The following ARHGAP32 variants were observed in gnomAD, a reference collection of about 807,000 sequenced individuals.
ARHGAP32 encodes rho GTPase-activating protein 32.
In ARHGAP32, 51 loss-of-function variants were observed where a neutral mutation model predicts 186.5. The observed-to-expected ratio is 0.27, with a 90% confidence interval of 0.22 to 0.35. The LOEUF (loss-of-function observed/expected upper bound fraction) is 0.35, where lower values mean the gene tolerates loss of function less well. Among genes scored for constraint, ARHGAP32 ranks in the 10% least tolerant of loss-of-function variants. The probability of loss-of-function intolerance (pLI) is 1.00; values close to 1 mark genes in which losing one functional copy is unlikely to be tolerated. For missense variants in ARHGAP32, 2,186 were observed against 2,623.5 expected (o/e 0.83, Z 3.64); for synonymous variants, 950 against 964.3 (o/e 0.99, Z 0.27).
chr11:129,228,725 G>C (rs2135630699), intron 1 of ARHGAP32, among the ~76,000 whole-genome samples: 1 of 152,252 alleles, frequency 6.6e-6, no homozygotes, highest in Admixed American at 6.5e-5. Context: ...GGGGAAGGGA[G>C]AGCATCAAGA....
upstream of ARHGAP32, among the ~76,000 whole-genome samples, chr11:129,193,913 A>T (rs776307758): frequency 1.1e-4 from 16 of 150,424 alleles, no homozygotes; most frequent in Middle Eastern, 6.8e-3. Context: ...AAAAGTTCTT[A>T]AAAACTTCTA....
At chr11:129,202,782 C>T (rs535887989) in intron 1 of ARHGAP32, among the ~76,000 whole-genome samples, 65 of 152,254 alleles carry the variant, frequency 4.3e-4, no homozygotes, top group Non-Finnish European at 6.6e-4. Context: ...TGAATTCACA[C>T]GCCACATCAC....
At chr11:129,238,884 G>A (rs1024233433) in intron 1 of ARHGAP32, among the ~76,000 whole-genome samples, 1 of 151,842 alleles carries the variant, frequency 6.6e-6, no homozygotes, top group Non-Finnish European at 1.5e-5. Flanking sequence ...GCCCAGGCTG[G>A]GGTGCAGTGG....
At chr11:129,040,675 A>T (rs1171390095) in intron 11 of ARHGAP32, among the ~76,000 whole-genome samples, 2 of 152,222 alleles carry the variant, frequency 1.3e-5, no homozygotes, top group Admixed American at 1.3e-4. Flanking sequence ...CTATTATGCA[A>T]CTATAAAAGT....
intron 1 of ARHGAP32, among the ~76,000 whole-genome samples, chr11:129,216,794 G>A (rs1428409320): frequency 1.3e-5 from 2 of 150,546 alleles, no homozygotes; most frequent in African/African-American, 4.9e-5. Context: ...TTTATTTAAA[G>A]ATTCTTAATT....
chr11:129,007,670 T>G (rs2134799533), intron 11 of ARHGAP32, among the ~76,000 whole-genome samples: 1 of 152,252 alleles, frequency 6.6e-6, no homozygotes, highest in South Asian at 2.1e-4. Context: ...TCACAAACCG[T>G]CCTGCCTAGG....
chr11:128,999,803 T>C (rs1448296681), intron 11 of ARHGAP32, among the ~76,000 whole-genome samples: 1 of 152,212 alleles, frequency 6.6e-6, no homozygotes. Context: ...TTGTAACCCA[T>C]GACGTTTGAA....
chr11:129,163,157 T>C (rs1943564491), intron 2 of ARHGAP32, among the ~76,000 whole-genome samples: 1 of 152,216 alleles, frequency 6.6e-6, no homozygotes, highest in African/African-American at 2.4e-5. Context: ...ATTAAAATGT[T>C]TGTGAATTTA....
In ARHGAP32 at chr11:129,171,679, T is replaced by C. The variant is rs145178758; in HGVS notation, c.117-7252A>G. The stretch of plus-strand genomic sequence containing the variant: ...GGTCTTCTTTGATTTCATATGAAAT[T>C]CAAAATAGTTTTTTCTAATTCTGTA... On this transcript the variant is annotated intron_variant, in intron 1 of 22. Transcript: ENST00000682385. 1.9e-3 allele frequency among the ~76,000 whole-genome samples: 285 copies of C among 152,342 alleles called. 2 individuals are homozygous for C. Among genetic ancestry groups the C allele is most frequent in the African/African-American group, 6.2e-3 (258 of 41,568 alleles).
intron 5 of ARHGAP32, among the ~76,000 whole-genome samples, chr11:129,115,187 C>T (rs554174524): frequency 2.6e-5 from 4 of 152,202 alleles, no homozygotes; most frequent in East Asian, 1.9e-4. Context: ...ATGTGGTCCA[C>T]CCACCCTACC....
chr11:129,012,250 G>A (rs1426931788), intron 11 of ARHGAP32, among the ~76,000 whole-genome samples: 1 of 151,984 alleles, frequency 6.6e-6, no homozygotes, highest in Non-Finnish European at 1.5e-5. Flanking sequence ...ACATATTGTG[G>A]GACAAAACAA....
chr11:128,965,750 G>A lies in ARHGAP32; in HGVS notation c.*3157C>T, dbSNP rs1019838765. 6.6e-6 allele frequency: 1 copy of A among 152,184 alleles called. No individual in the cohort carries two copies. Among genetic ancestry groups the A allele is most frequent in the East Asian group, 1.9e-4 (1 of 5,204 alleles). 9.4% of individuals were successfully genotyped at this position (152,184 alleles called of 1,614,324 possible). ...CAACATCCTAAATGGGTGACTGACA[G>A]GGCTGAAAACAGAGAAATGGACTTT... On this transcript the variant is annotated 3_prime_UTR_variant, in exon 23 of 23. Transcript: ENST00000682385.
At chr11:129,069,329 A>G (rs1226255366) in intron 6 of ARHGAP32, among the ~76,000 whole-genome samples, 1 of 152,090 alleles carries the variant, frequency 6.6e-6, no homozygotes, top group African/African-American at 2.4e-5. Flanking sequence ...ATCAATGTAA[A>G]GTGCTTAGTA....
At chr11:129,176,548 T>C (rs1343029131) in intron 1 of ARHGAP32, among the ~76,000 whole-genome samples, 1 of 147,862 alleles carries the variant, frequency 6.8e-6, no homozygotes, top group East Asian at 2.0e-4. Flanking sequence ...AAAGCTCTCC[T>C]CAGCAAATGT....
chr11:129,067,854 C>T (rs1338540135), intron 6 of ARHGAP32, among the ~76,000 whole-genome samples: 1 of 152,032 alleles, frequency 6.6e-6, no homozygotes, highest in Non-Finnish European at 1.5e-5. Flanking sequence ...TTTCTAATCA[C>T]TAGTGTCTCA....
At chr11:129,186,158 A>T (rs1944156151) in intron 1 of ARHGAP32, among the ~76,000 whole-genome samples, 1 of 152,188 alleles carries the variant, frequency 6.6e-6, no homozygotes, top group South Asian at 2.1e-4. Flanking sequence ...AGTTAGAAAA[A>T]TTAGGTTTGG....
chr11:129,049,748 T>C (rs1939961672), intron 10 of ARHGAP32, among the ~76,000 whole-genome samples: 1 of 152,232 alleles, frequency 6.6e-6, no homozygotes, highest in Non-Finnish European at 1.5e-5. Context: ...TTCTATTGTA[T>C]GGACACCACC....
intron 2 of ARHGAP32, among the ~76,000 whole-genome samples, chr11:129,149,474 A>C (rs963778559): frequency 6.6e-6 from 1 of 152,178 alleles, no homozygotes; most frequent in Non-Finnish European, 1.5e-5. Context: ...CTTTGCAGAC[A>C]TTCCCTAGCA....
At chr11:129,266,365 A>T (rs1374761170) in intron 1 of ARHGAP32, among the ~76,000 whole-genome samples, 1 of 152,120 alleles carries the variant, frequency 6.6e-6, no homozygotes. Context: ...ATATGCTCCT[A>T]AACCTGCCCA....
Sources: allele counts gnomAD v4.1 joint callset (sites outside exome capture counted in the v4.1 genomes callset), GRCh38; gene constraint gnomAD v4.1.1; transcripts MANE v1.5; gene names NCBI Gene and HGNC (gene_info 2026-07-23, HGNC 2026-07-21).